HDAC9: variants seen among roughly 807,000 people sequenced by gnomAD.
HDAC9 encodes MEF-2 interacting transcription repressor (MITR) protein.
In HDAC9, 41 loss-of-function variants were observed where a neutral mutation model predicts 139.4. The ratio of observed to expected loss-of-function variants is 0.29; its 90% CI spans 0.23 to 0.38. The LOEUF is 0.38. Ranked by LOEUF, HDAC9 falls within the 10% of genes least tolerant of loss-of-function variation. The pLI, the probability that HDAC9 is intolerant of heterozygous loss-of-function variation, is 1.00. For missense variants in HDAC9, 1,147 were observed against 1,297.0 expected (o/e 0.88, Z 1.78); for synonymous variants, 517 against 476.2 (o/e 1.09, Z -1.12).
chr7:18,609,135 G>A (rs886586482), intron 6 of HDAC9, among the ~76,000 whole-genome samples: 1 of 152,052 alleles, frequency 6.6e-6, no homozygotes, highest in African/African-American at 2.4e-5. Context: ...GAATGCATTA[G>A]CCTATTGTAG....
chr7:18,901,157 A>G (rs1307877229), intron 22 of HDAC9, among the ~76,000 whole-genome samples: 1 of 150,626 alleles, frequency 6.6e-6, no homozygotes, highest in African/African-American at 2.4e-5. Context: ...AGGCTCCAAT[A>G]CTGCAACAGA....
chr7:18,705,054 A>AT (rs1025899949), intron 12 of HDAC9, among the ~76,000 whole-genome samples: 2 of 152,174 alleles, frequency 1.3e-5, no homozygotes, highest in South Asian at 2.1e-4. Flanking sequence ...ATAATATATG[A>AT]TTTTTTAAAT....
intron 2 of HDAC9, among the ~76,000 whole-genome samples, chr7:18,181,447 T>G (rs1429080624): frequency 1.3e-5 from 2 of 152,180 alleles, no homozygotes; most frequent in Non-Finnish European, 2.9e-5. Flanking sequence ...ATGTCTCCTT[T>G]TGCACAGTTC....
chr7:18,184,540 C>T (rs931685957), intron 2 of HDAC9, among the ~76,000 whole-genome samples: 2 of 152,040 alleles, frequency 1.3e-5, no homozygotes, highest in South Asian at 2.1e-4. Context: ...ATTTTGTGCA[C>T]GAAACAAAAT....
At position 18,965,106 on chromosome 7, in the gene HDAC9, A is replaced by G. The variant is rs1272595049; in HGVS notation, c.3023-10700A>G. On this transcript the variant is annotated intron_variant, in intron 24 of 25. Coordinates refer to ENST00000686413, the MANE Select transcript of HDAC9 (RefSeq NM_178425.4). ...CTGATTAATGCACTCACAGCTCCGT[A>G]TCCAAGAGACTGACTCTTTCCCAGA... is the stretch of plus-strand genomic sequence containing the variant. 6.6e-5 allele frequency among the ~76,000 whole-genome samples: 10 copies of G among 152,300 alleles called. No individual in the cohort carries two copies. In the South Asian group the frequency reaches 1.2e-3, roughly 19 times the overall value.
At chr7:18,801,055 C>T (rs968731846) in intron 17 of HDAC9, among the ~76,000 whole-genome samples, 1 of 151,994 alleles carries the variant, frequency 6.6e-6, no homozygotes, top group Non-Finnish European at 1.5e-5. Context: ...ATATCATCTG[C>T]AAATAATGAC....
intron 17 of HDAC9, among the ~76,000 whole-genome samples, chr7:18,794,176 G>A (rs1322169041): frequency 6.6e-6 from 1 of 152,172 alleles, no homozygotes; most frequent in African/African-American, 2.4e-5. Context: ...AACTTTGTTG[G>A]TGCTAACACG....
intron 25 of HDAC9, among the ~76,000 whole-genome samples, chr7:18,990,189 C>G (rs1391400632): frequency 6.6e-6 from 1 of 152,088 alleles, no homozygotes; most frequent in Admixed American, 6.6e-5. Context: ...GTGGTTTTAT[C>G]TACTTTTGGT....
intron 16 of HDAC9, among the ~76,000 whole-genome samples, chr7:18,780,753 C>T (rs995588841): frequency 1.3e-5 from 2 of 151,984 alleles, no homozygotes; most frequent in African/African-American, 4.8e-5. Flanking sequence ...TTAATTCATT[C>T]CCTCGACAAA....
At chr7:18,984,824 G>A (rs542409145) in intron 25 of HDAC9, among the ~76,000 whole-genome samples, 2 of 152,248 alleles carry the variant, frequency 1.3e-5, no homozygotes, top group East Asian at 3.9e-4. Flanking sequence ...CTAGGGTTGA[G>A]TAATGGTACT....
chr7:18,344,980 C>T (rs1782289686), intron 1 of HDAC9, among the ~76,000 whole-genome samples: 2 of 151,876 alleles, frequency 1.3e-5, no homozygotes, highest in African/African-American at 2.4e-5. Flanking sequence ...CTTGCATAAT[C>T]GGGATTTGGA....
chr7:18,823,944 C>T (rs1172318663), intron 17 of HDAC9, among the ~76,000 whole-genome samples: 2 of 150,940 alleles, frequency 1.3e-5, no homozygotes, highest in Admixed American at 1.3e-4. Flanking sequence ...TGCCACTGCA[C>T]TGCAGCCTGG....
At chr7:18,719,171 G>T (rs1784934706) in intron 12 of HDAC9, among the ~76,000 whole-genome samples, 2 of 151,942 alleles carry the variant, frequency 1.3e-5, no homozygotes. Flanking sequence ...TGTGTTTAAG[G>T]ATTCTTTCCA....
chr7:18,987,802 G>T (rs1173451060), intron 25 of HDAC9, among the ~76,000 whole-genome samples: 1 of 152,104 alleles, frequency 6.6e-6, no homozygotes, highest in Non-Finnish European at 1.5e-5. Context: ...TTGGGAGAGT[G>T]TATGTGTCCA....
chr7:18,590,456 C>A lies in HDAC9; in HGVS notation c.385C>A (p.Pro129Thr). The change falls in exon 4 of 26, where the codon CCT becomes ACT. Residue 129 changes from proline to threonine, a missense_variant. This residue lies in a region of HDAC9 where 136 missense variants were observed against 183.5 expected (regional missense o/e 0.74). Coordinates refer to ENST00000686413, the MANE Select transcript of HDAC9 (RefSeq NM_178425.4). ...GCATCGCAGAGAACAGCAGCTTCCT[C>A]CTCTCAGAGGCAAAGATAGAGGACG... ...ERHRREQQLP[P>T]LRGKDRGRER... 1 of 1,603,632 alleles carries A rather than the reference C, an allele frequency of 6.2e-7. No homozygotes were observed. The highest frequency in any genetic ancestry group is 2.2e-5 in the East Asian group (1 of 44,472).
chr7:18,264,031 T>C (rs1795849607), intron 2 of HDAC9, among the ~76,000 whole-genome samples: 1 of 152,208 alleles, frequency 6.6e-6, no homozygotes, highest in African/African-American at 2.4e-5. Context: ...TAAACATTTA[T>C]GCACCCAAAA....
intron 2 of HDAC9, among the ~76,000 whole-genome samples, chr7:18,280,129 C>T (rs976871598): frequency 5.9e-5 from 9 of 152,110 alleles, no homozygotes; most frequent in Admixed American, 4.6e-4. Context: ...AGGATAGGTT[C>T]GTGAGACTTA....
At chr7:18,152,646 G>C (rs1025625385) in intron 1 of HDAC9, among the ~76,000 whole-genome samples, 5 of 152,070 alleles carry the variant, frequency 3.3e-5, no homozygotes, top group Non-Finnish European at 7.4e-5. Flanking sequence ...TATGAAATCT[G>C]GGAGACAGGA....
chr7:18,866,734 C>G (rs947012066), intron 21 of HDAC9, among the ~76,000 whole-genome samples: 1 of 152,120 alleles, frequency 6.6e-6, no homozygotes, highest in Non-Finnish European at 1.5e-5. Flanking sequence ...GCTGTGGAAC[C>G]AAGCCAAAGT....
Sources: gnomAD v4.1 joint callset for allele counts (sites outside exome capture counted in the v4.1 genomes callset) on GRCh38, gnomAD v4.1.1 for gene constraint, gnomAD v4.1.1 regional missense constraint, MANE v1.5 for transcripts, NCBI Gene and HGNC (gene_info 2026-07-23, HGNC 2026-07-21) for gene names.